TRAK1: variants seen among roughly 807,000 people sequenced by gnomAD.
The protein encoded by TRAK1 is trafficking kinesin protein 1, also known as trafficking kinesin-binding protein 1.
A neutral mutation model predicts 92.1 loss-of-function variants in TRAK1; 33 were observed. That is an observed-to-expected ratio of 0.36 (90% CI 0.27 to 0.48). The LOEUF (loss-of-function observed/expected upper bound fraction) is 0.48, where lower values mean the gene tolerates loss of function less well. Ranked by LOEUF, TRAK1 falls within the 20% of genes least tolerant of loss-of-function variation. The pLI is 0.99. For synonymous variants in TRAK1, 521 were observed against 517.3 expected, an observed-to-expected ratio of 1.01 and a Z score of -0.10; for missense variants, 1,123 against 1,257.9, an observed-to-expected ratio of 0.89 and a Z score of 1.62.
intron 1 of TRAK1, among the ~76,000 whole-genome samples, chr3:42,053,104 T>G (rs1703046029): frequency 6.6e-6 from 1 of 152,194 alleles, no homozygotes; most frequent in Admixed American, 6.5e-5. Flanking sequence ...TCTTTCCTTC[T>G]GAACAATGGC....
intron 2 of TRAK1, among the ~76,000 whole-genome samples, chr3:42,132,034 A>G (rs993826354): frequency 2.0e-5 from 3 of 151,922 alleles, no homozygotes; most frequent in Non-Finnish European, 4.4e-5. Flanking sequence ...GTGCCACTGC[A>G]CTCCAGCCTG....
chr3:42,191,006 CTGGGGTGGCTCT>C (rs1705648341), intron 6 of TRAK1, among the ~76,000 whole-genome samples: 1 of 152,160 alleles, frequency 6.6e-6, no homozygotes, highest in Non-Finnish European at 1.5e-5. Context: ...GTCCAGAGTC[CTGGGGTGGCTCT>C]TGTGCCTCTG....
chr3:42,219,786 GTTTTTTTTTTTT>G (rs397989334), intron 15 of TRAK1, among the ~76,000 whole-genome samples, 190 bp downstream of exon 15: 5 of 63,526 alleles, frequency 7.9e-5, no homozygotes, highest in South Asian at 8.7e-4. Flanking sequence ...GTTGTTATGT[GTTTTTTTTTTTT>G]TTTTTTTTTT....
intron 1 of TRAK1, among the ~76,000 whole-genome samples, chr3:42,073,542 C>T (rs1055218739): frequency 1.3e-5 from 2 of 152,184 alleles, no homozygotes; most frequent in African/African-American, 4.8e-5. Context: ...GAAGCTCTAG[C>T]ATATGATTAT....
chr3:42,098,951 AG>A (rs1706338183), intron 1 of TRAK1, among the ~76,000 whole-genome samples: 1 of 149,468 alleles, frequency 6.7e-6, no homozygotes, highest in South Asian at 2.1e-4. Flanking sequence ...CTGGACAGGA[AG>A]TGGGCGGTAG....
At chr3:42,022,734 AC>A (rs1175733112) in intron 1 of TRAK1, among the ~76,000 whole-genome samples, 1 of 25,322 alleles carries the variant, frequency 3.9e-5, no homozygotes, top group East Asian at 0.062. Context: ...AAAAAAAAAA[AC>A]AAAAACAAAA....
At chr3:42,092,180 T>A (rs1705160192) in intron 1 of TRAK1, among the ~76,000 whole-genome samples, 1 of 152,152 alleles carries the variant, frequency 6.6e-6, no homozygotes, top group South Asian at 2.1e-4. Context: ...TAATCAGATC[T>A]GCTGTGGCTT....
chr3:42,028,238 T>G (rs1701993566), intron 1 of TRAK1, among the ~76,000 whole-genome samples: 1 of 152,076 alleles, frequency 6.6e-6, no homozygotes, highest in South Asian at 2.1e-4. Context: ...CCCAGTAGAG[T>G]TGCTGAGTGG....
chr3:42,085,478 A>G (rs1359214552), upstream of TRAK1, among the ~76,000 whole-genome samples: 5 of 152,166 alleles, frequency 3.3e-5, no homozygotes, highest in Non-Finnish European at 5.9e-5. Flanking sequence ...CAAAAATCCA[A>G]AATTTGAAAC....
chr3:42,122,729 G>A (rs906143355), intron 1 of TRAK1, among the ~76,000 whole-genome samples: 30 of 152,300 alleles, frequency 2.0e-4, no homozygotes, highest in African/African-American at 7.0e-4. Flanking sequence ...TATTGCTAGT[G>A]GGAGATGGGA....
intron 1 of TRAK1, among the ~76,000 whole-genome samples, chr3:42,047,152 A>G (rs1026023314): frequency 2.0e-5 from 3 of 149,962 alleles, no homozygotes; most frequent in African/African-American, 7.4e-5. Flanking sequence ...TTGTCTTCAT[A>G]TGTTTAATGG....
chr3:42,116,296 C>T lies in TRAK1; in HGVS notation c.92-9124C>T, dbSNP rs1191145834. Among the ~76,000 whole-genome samples the T allele has an allele frequency of 2.0e-5, 3 of 152,346 alleles. No individual in the cohort carries two copies. The South Asian group carries it at 6.2e-4, about 32-fold the overall frequency. On this transcript the variant is annotated intron_variant, in intron 1 of 15. Transcript: ENST00000327628. ...CCTTTTCCATTCAATGAGGAGGTTG[C>T]GCCAGTAGTTTTTAGCTCTAATGTC... is the stretch of plus-strand genomic sequence containing the variant.
rs141441846 is a variant in TRAK1, at chr3:42,092,838, G to A, written c.91+1278G>A. Reference sequence around the variant, plus strand: ...TGGGCTCAAGTGATCCCCCTGCCTCGGCCTCCCAAAGTGCTGGGATTACAG... The same window carrying A: ...TGGGCTCAAGTGATCCCCCTGCCTCAGCCTCCCAAAGTGCTGGGATTACAG... On this transcript the variant is annotated intron_variant, in intron 1 of 15. Transcript: ENST00000327628. Among the ~76,000 whole-genome samples the A allele has an allele frequency of 4.7e-3, 721 of 151,910 alleles. 5 individuals are homozygous for A. The highest frequency in any genetic ancestry group is 7.9e-3 in the Non-Finnish European group (534 of 67,980).
At chr3:42,072,602 T>TCAC (rs1316497863) in intron 1 of TRAK1, among the ~76,000 whole-genome samples, 9 of 150,488 alleles carry the variant, frequency 6.0e-5, no homozygotes, top group African/African-American at 2.2e-4. Context: ...GAGACAGGCG[T>TCAC]GAGCTTACAG....
chr3:42,052,591 T>A (rs953034454), intron 1 of TRAK1, among the ~76,000 whole-genome samples: 2 of 152,198 alleles, frequency 1.3e-5, no homozygotes, highest in African/African-American at 4.8e-5. Flanking sequence ...AAAAGCATGA[T>A]TCAGTCTTGA....
chr3:42,064,362 A>T (rs1197351180), intron 1 of TRAK1, among the ~76,000 whole-genome samples: 1 of 96,228 alleles, frequency 1.0e-5, no homozygotes, highest in Admixed American at 1.2e-4. Context: ...AAATAGAGGG[A>T]TACAAATTAA....
chr3:42,059,353 AT>A (rs1703332689), intron 1 of TRAK1, among the ~76,000 whole-genome samples: 1 of 152,196 alleles, frequency 6.6e-6, no homozygotes, highest in African/African-American at 2.4e-5. Context: ...GTGTATACAG[AT>A]TTTGAGATTC....
intron 2 of TRAK1, among the ~76,000 whole-genome samples, chr3:42,131,527 G>C (rs1235585939): frequency 6.6e-6 from 1 of 152,016 alleles, no homozygotes. Flanking sequence ...GACCAGCCTG[G>C]CTAACATGGC....
intron 1 of TRAK1, among the ~76,000 whole-genome samples, chr3:42,075,707 A>C (rs1704125380): frequency 1.3e-5 from 2 of 151,844 alleles, no homozygotes; most frequent in Non-Finnish European, 2.9e-5. Flanking sequence ...ATGGTGTTTT[A>C]TTGTGGTTTT....
Sources: allele counts gnomAD v4.1 joint callset (sites outside exome capture counted in the v4.1 genomes callset), GRCh38; gene constraint gnomAD v4.1.1; transcripts MANE v1.5; gene names NCBI Gene and HGNC (gene_info 2026-07-23, HGNC 2026-07-21).